SNRK: variants seen among roughly 807,000 people sequenced by gnomAD.
SNRK encodes the protein SNF related kinase, also known as SNF-related serine/threonine-protein kinase.
In SNRK, 3 loss-of-function variants were observed where a neutral mutation model predicts 48.2. The ratio of observed to expected loss-of-function variants is 0.06; its 90% CI spans 0.03 to 0.16. SNRK has a LOEUF of 0.16. Ranked by LOEUF, SNRK falls within the 10% of genes least tolerant of loss-of-function variation. SNRK has a pLI of 1.00. For missense variants in SNRK, 627 were observed against 976.0 expected (o/e 0.64, Z 4.76); for synonymous variants, 376 against 366.1 (o/e 1.03, Z -0.31).
intron 6 of SNRK, among the ~76,000 whole-genome samples, chr3:43,346,348 TTTATTA>T (rs2125649907): frequency 6.6e-6 from 1 of 152,326 alleles, no homozygotes; most frequent in African/African-American, 2.4e-5. Flanking sequence ...TTGTTCCTGC[TTTATTA>T]TTATAACTAT....
chr3:43,290,648 T>C (rs921907669), intron 1 of SNRK, among the ~76,000 whole-genome samples: 3 of 152,226 alleles, frequency 2.0e-5, no homozygotes, highest in Non-Finnish European at 4.4e-5. Context: ...GTCTTCTAGC[T>C]CTATTCTCGC....
At chr3:43,290,406 C>T (rs1487881325) in intron 1 of SNRK, among the ~76,000 whole-genome samples, 2 of 152,126 alleles carry the variant, frequency 1.3e-5, no homozygotes, top group Non-Finnish European at 2.9e-5. Context: ...TGTAGATGTT[C>T]CTGTCCTGAA....
chr3:43,314,606 G>T (rs1032097449), intron 3 of SNRK, among the ~76,000 whole-genome samples: 4 of 152,114 alleles, frequency 2.6e-5, no homozygotes, highest in African/African-American at 9.7e-5. Flanking sequence ...TTGGAAATGG[G>T]TGTCCACCAA....
intron 2 of SNRK, among the ~76,000 whole-genome samples, chr3:43,301,920 A>G (rs2090900668): frequency 6.6e-6 from 1 of 152,216 alleles, no homozygotes; most frequent in South Asian, 2.1e-4. Flanking sequence ...GTTTAATTTT[A>G]TACACGTTTG....
intron 5 of SNRK, among the ~76,000 whole-genome samples, chr3:43,341,355 G>T (rs775827774): frequency 2.0e-5 from 3 of 152,112 alleles, no homozygotes; most frequent in Non-Finnish European, 4.4e-5. Flanking sequence ...GTTTCACTGT[G>T]TTAGCCAGGA....
At chr3:43,310,524 C>T (rs1414457044) in intron 3 of SNRK, among the ~76,000 whole-genome samples, 1 of 152,032 alleles carries the variant, frequency 6.6e-6, no homozygotes, top group African/African-American at 2.4e-5. Flanking sequence ...TTCTTGGCCT[C>T]CCTGTCCCTT....
At chr3:43,324,955 C>G (rs975687117) in intron 3 of SNRK, among the ~76,000 whole-genome samples, 1 of 152,144 alleles carries the variant, frequency 6.6e-6, no homozygotes. Context: ...CATAATGTAT[C>G]TTCTGTTAAA....
chr3:43,340,595 G>C, intron 5 of SNRK, 96 bp downstream of exon 5: 2 of 1,053,724 alleles, frequency 1.9e-6, no homozygotes. Context: ...CTGTGTAATA[G>C]ATAAGAGTTC....
intron 3 of SNRK, among the ~76,000 whole-genome samples, chr3:43,305,378 G>A (rs775001293): frequency 3.9e-5 from 6 of 152,004 alleles, no homozygotes; most frequent in Admixed American, 1.3e-4. Context: ...TTCTGTATAC[G>A]GTGAAAATTA....
chr3:43,293,298 A>C (rs998026693), intron 1 of SNRK, among the ~76,000 whole-genome samples: 1 of 152,240 alleles, frequency 6.6e-6, no homozygotes. Context: ...AGAGGAAGTA[A>C]ATATTTCATT....
Position 43,348,143 on chromosome 3 carries a change from C to G in SNRK, c.1884C>G (p.Gly628=). Residue 628 remains glycine (G), a synonymous_variant, in exon 7 of 7, where the codon GGC becomes GGG. Coordinates refer to ENST00000296088, the MANE Select transcript of SNRK (RefSeq NM_017719.5). The part of the protein sequence containing the change: ...NTSGTTRRCA[G]PSNSMQLASR... Reference sequence around the variant, plus strand: ...CGGGTACCACACGCCGCTGTGCCGGCCCCAGCAACTCCATGCAGCTGGCCT... The same window carrying G: ...CGGGTACCACACGCCGCTGTGCCGGGCCCAGCAACTCCATGCAGCTGGCCT... 2 of 1,579,752 alleles carry G rather than the reference C, an allele frequency of 1.3e-6. No individual in the cohort carries two copies. The highest frequency in any genetic ancestry group is 1.7e-6 in the Non-Finnish European group (2 of 1,163,888).
intron 4 of SNRK, among the ~76,000 whole-genome samples, chr3:43,334,855 G>A (rs1012314463): frequency 2.6e-5 from 4 of 152,114 alleles, no homozygotes; most frequent in African/African-American, 9.7e-5. Flanking sequence ...GCCTCCCAAA[G>A]TGCTGGGATT....
chr3:43,334,335 C>A (rs1194341409), intron 4 of SNRK, among the ~76,000 whole-genome samples: 1 of 151,860 alleles, frequency 6.6e-6, no homozygotes, highest in Non-Finnish European at 1.5e-5. Context: ...GTGGCTCACG[C>A]CTGTGGTCTC....
chr3:43,331,305 A>AG (rs2091144431), intron 3 of SNRK, among the ~76,000 whole-genome samples: 1 of 152,292 alleles, frequency 6.6e-6, no homozygotes, highest in African/African-American at 2.4e-5. Flanking sequence ...TCTGAACAAA[A>AG]GATCATTTTC....
At chr3:43,320,292 C>G (rs1282890756) in intron 3 of SNRK, among the ~76,000 whole-genome samples, 1 of 152,160 alleles carries the variant, frequency 6.6e-6, no homozygotes, top group Non-Finnish European at 1.5e-5. Context: ...TAAAGTCAGA[C>G]AGACTTGTAG....
At chr3:43,335,620 A>G (rs969650281) in intron 4 of SNRK, among the ~76,000 whole-genome samples, 5 of 152,156 alleles carry the variant, frequency 3.3e-5, no homozygotes, top group Non-Finnish European at 7.3e-5. Flanking sequence ...TGCATCCTGT[A>G]TGAGTTTTTC....
At chr3:43,297,625 G>T (rs2090866889) in intron 1 of SNRK, among the ~76,000 whole-genome samples, 1 of 150,624 alleles carries the variant, frequency 6.6e-6, no homozygotes. Flanking sequence ...TGTTCTAATT[G>T]TAGTTTTCTC....
intron 3 of SNRK, among the ~76,000 whole-genome samples, chr3:43,313,549 G>A (rs2090993952): frequency 6.6e-6 from 1 of 152,192 alleles, no homozygotes; most frequent in Non-Finnish European, 1.5e-5. Context: ...AGATCGTGGT[G>A]GGTGGTGTGC....
At chr3:43,320,500 C>T (rs1255118960) in intron 3 of SNRK, among the ~76,000 whole-genome samples, 1 of 152,158 alleles carries the variant, frequency 6.6e-6, no homozygotes, top group East Asian at 1.9e-4. Flanking sequence ...TTGTGATTCT[C>T]AGCTTTGTAT....
Sources: gnomAD v4.1 joint callset for allele counts (sites outside exome capture counted in the v4.1 genomes callset) on GRCh38, gnomAD v4.1.1 for gene constraint, MANE v1.5 for transcripts, NCBI Gene and HGNC (gene_info 2026-07-23, HGNC 2026-07-21) for gene names.